The following GCC2 variants were observed in gnomAD, a reference collection of about 807,000 sequenced individuals.
The protein encoded by GCC2 is GRIP and coiled-coil domain containing 2, also known as GRIP and coiled-coil domain-containing protein 2.
In GCC2, 120 loss-of-function variants were observed where a neutral mutation model predicts 210.6. That is an observed-to-expected ratio of 0.57 (90% CI 0.49 to 0.66). The LOEUF is 0.66. GCC2 is among the 30% of genes least tolerant of loss of function. The pLI is 0.00. For missense variants in GCC2, 1,868 were observed against 1,871.9 expected, an observed-to-expected ratio of 1.00 and a Z score of 0.04; for synonymous variants, 703 against 652.7, an observed-to-expected ratio of 1.08 and a Z score of -1.17.
chr2:108,492,834 G>A lies in GCC2; in HGVS notation c.4447+44G>A, dbSNP rs111966542. On this transcript the variant is annotated intron_variant, in intron 19 of 22. Transcript: ENST00000309863. ...AAATATTAGTTGTTCATGTTTTCAT[G>A]CATTTGTCTCTTAAATACATTCTTC... The A allele has an allele frequency of 1.0e-3, 1,377 of 1,352,902 alleles. 12 individuals are homozygous for A. The African/African-American group carries it at 0.017, about 17-fold the overall frequency. The allele number at this position is 1,352,902 out of a possible 1,614,324, so 83.8% of individuals were successfully genotyped here.
intron 13 of GCC2, 26 bp from the exon 14 acceptor site, chr2:108,485,610 T>C (rs1465724889): frequency 1.7e-6 from 2 of 1,186,862 alleles, no homozygotes; most frequent in Non-Finnish European, 2.4e-6. Flanking sequence ...TACATCTTTT[T>C]CTGCTGAAAT....
intron 18 of GCC2, among the ~76,000 whole-genome samples, chr2:108,492,295 A>G (rs1041518512): frequency 6.6e-6 from 1 of 152,134 alleles, no homozygotes; most frequent in Non-Finnish European, 1.5e-5. Context: ...CTGATGAACC[A>G]TGAAAGAAGT....
chr2:108,482,476 T>C lies in GCC2; in HGVS notation c.3345+25T>C, dbSNP rs762052369. The C allele has an allele frequency of 4.2e-6, 5 of 1,183,900 alleles. No individual in the cohort carries two copies. The African/African-American group carries it at 7.6e-5, about 18-fold the overall frequency. 73.3% of individuals were successfully genotyped at this position (1,183,900 alleles called of 1,614,324 possible). A position where few individuals can be genotyped will look rare whatever the true frequency, so the allele number is the denominator to read the frequency against. On this transcript the variant is annotated intron_variant, in intron 11 of 22. Transcript: ENST00000309863. ...GGTAAAAACAATCCTATGAGATTGA[T>C]TCACATATATATGATGCATTTACCA... is the stretch of plus-strand genomic sequence containing the variant.
In GCC2 at chr2:108,487,591, T is replaced by A. The variant is rs1573217435; in HGVS notation, c.3931-108T>A. ...AGAAACCAAAAAGAATGTCAGCCAT[T>A]TTTCTCATTTTCAAAAACAGGTTTT... On this transcript the variant is annotated intron_variant, in intron 16 of 22. Transcript: ENST00000309863. 10 of 1,000,096 alleles carry A rather than the reference T, an allele frequency of 1.0e-5. No homozygotes were observed. In the South Asian group the frequency reaches 1.6e-4, roughly 16 times the overall value. 62.0% of individuals were successfully genotyped at this position (1,000,096 alleles called of 1,614,324 possible).
intron 15 of GCC2, chr2:108,486,285 T>A: frequency 1.8e-6 from 1 of 543,192 alleles, no homozygotes. Context: ...AAATATGTAG[T>A]CTGGGATTTT....
intron 4 of GCC2, among the ~76,000 whole-genome samples, chr2:108,457,287 C>G (rs544534346): frequency 2.6e-5 from 4 of 152,022 alleles, no homozygotes; most frequent in East Asian, 1.9e-4. Context: ...TGTCGAAGAT[C>G]GGTTGTGTAT....
rs751350275 is a variant in GCC2, at chr2:108,507,673, T to G, written c.*43T>G. The G allele has an allele frequency of 2.9e-6, 4 of 1,366,932 alleles. No homozygotes were observed. The African/African-American group carries it at 5.8e-5, about 20-fold the overall frequency. The allele number at this position is 1,366,932 out of a possible 1,614,324, so 84.7% of individuals were successfully genotyped here. A position where few individuals can be genotyped will look rare whatever the true frequency, so the allele number is the denominator to read the frequency against. ...TTTTATTAACCAAATAGAATCTATT[T>G]ACAAAAATGGTTCACGTATATTACC... On this transcript the variant is annotated 3_prime_UTR_variant, in exon 23 of 23. Coordinates refer to ENST00000309863, the MANE Select transcript of GCC2 (RefSeq NM_181453.4).
Position 108,468,857 on chromosome 2 carries a change from G to A in GCC2, c.217-123G>A, listed in dbSNP as rs77278960. 234 of 658,838 alleles carry A rather than the reference G, an allele frequency of 3.6e-4. 2 individuals carry two copies. The African/African-American group carries it at 4.0e-3, about 11-fold the overall frequency. The allele number at this position is 658,838 out of a possible 1,614,324, so 40.8% of individuals were successfully genotyped here. A position where few individuals can be genotyped will look rare whatever the true frequency, so the allele number is the denominator to read the frequency against. ...TTCTCCTTTTCTCTTTGCGCAATGT[G>A]TTCTACCTTTTAAAATCTCTTATTC... On this transcript the variant is annotated intron_variant, in intron 4 of 22. Coordinates refer to ENST00000309863, the MANE Select transcript of GCC2 (RefSeq NM_181453.4).
At chr2:108,449,469 A>G (rs994784764) in intron 1 of GCC2, among the ~76,000 whole-genome samples, 164 bp from the exon 2 acceptor site, 1 of 152,160 alleles carries the variant, frequency 6.6e-6, no homozygotes, top group African/African-American at 2.4e-5. Context: ...CCGTTTGTGT[A>G]CGAATTGCCA....
chr2:108,492,869 T>C (rs1452150536), intron 19 of GCC2, 79 bp downstream of exon 19: 3 of 1,091,834 alleles, frequency 2.7e-6, no homozygotes, highest in African/African-American at 3.1e-5. Context: ...CACAAATTCA[T>C]AAGAAAGAAA....
intron 7 of GCC2, 107 bp from the exon 8 acceptor site, chr2:108,475,428 C>G: frequency 1.9e-6 from 1 of 525,822 alleles, no homozygotes. Flanking sequence ...ATTTTAATAT[C>G]AAATTACCAA....
At chr2:108,466,591 G>A (rs1316346899) in intron 4 of GCC2, among the ~76,000 whole-genome samples, 1 of 151,898 alleles carries the variant, frequency 6.6e-6, no homozygotes, top group African/African-American at 2.4e-5. Context: ...TTCTGCCTCA[G>A]CCTCCCGAGT....
intron 20 of GCC2, 168 bp from the exon 21 acceptor site, chr2:108,496,802 T>C (rs1682665736): frequency 1.1e-6 from 1 of 938,878 alleles, no homozygotes; most frequent in East Asian, 2.7e-5. Flanking sequence ...TTGTGTCACC[T>C]ACAACATATA....
intron 4 of GCC2, among the ~76,000 whole-genome samples, chr2:108,461,022 T>G (rs1680542184): frequency 6.6e-6 from 1 of 152,222 alleles, no homozygotes; most frequent in African/African-American, 2.4e-5. Context: ...CTATGCAGCT[T>G]GAAGAACCAT....
chr2:108,493,858 G>C lies in GCC2; in HGVS notation c.4447+1068G>C, dbSNP rs559493321. On this transcript the variant is annotated intron_variant, in intron 19 of 22. Transcript: ENST00000309863. ...AATCTAGCAATCAGCAGTGGAATAA[G>C]CAGTCAGCTTACCAGAAACCCAGGA... 4.1e-6 allele frequency: 4 copies of C among 985,308 alleles called. No individual in the cohort carries two copies. The Admixed American group carries it at 2.5e-4, about 61-fold the overall frequency. The allele number at this position is 985,308 out of a possible 1,614,324, so 61.0% of individuals were successfully genotyped here.
chr2:108,497,153 T>G, intron 21 of GCC2, 44 bp downstream of exon 21: 1 of 1,611,596 alleles, frequency 6.2e-7, no homozygotes, highest in Non-Finnish European at 8.5e-7. Context: ...GCCAGTTTGG[T>G]TTTCTTGACC....
At chr2:108,501,134 T>G (rs1351475713) in intron 22 of GCC2, among the ~76,000 whole-genome samples, 2 of 151,744 alleles carry the variant, frequency 1.3e-5, no homozygotes, top group African/African-American at 4.9e-5. Context: ...CAGCTGGGAC[T>G]ACAGATGCAC....
chr2:108,455,683 T>G (rs958403938), intron 4 of GCC2, among the ~76,000 whole-genome samples: 1 of 152,338 alleles, frequency 6.6e-6, no homozygotes, highest in South Asian at 2.1e-4. Flanking sequence ...TATTTATCTT[T>G]CCCTGTCTTA....
In GCC2 at chr2:108,497,030, C is replaced by T. The variant is rs369103752; in HGVS notation, c.4703C>T (p.Thr1568Ile). ...KEELVQKLSS[T>I]TKSADHLNGL... ...GAATTGGTTCAGAAGCTCAGTTCCA[C>T]CACAAAAAGTGCAGATCACTTAAAC... Residue 1568 changes from threonine (T) to isoleucine (I), a missense_variant, in exon 21 of 23, where the codon ACC becomes ATC. Thr to Ile is a moderately conservative substitution (Grantham distance 89). Around this residue, in one of 3 missense-constraint regions of GCC2, gnomAD observed 1,847 missense variants for 1,765.2 expected, o/e 1.05. Transcript: ENST00000309863. The T allele has an allele frequency of 6.2e-7, 1 of 1,612,018 alleles. No homozygotes were observed. The highest frequency in any genetic ancestry group is 1.1e-5 in the South Asian group (1 of 90,996).
Sources: allele counts gnomAD v4.1 joint callset (sites outside exome capture counted in the v4.1 genomes callset), GRCh38; gene constraint gnomAD v4.1.1; regional missense constraint gnomAD v4.1.1; transcripts MANE v1.5; gene names NCBI Gene and HGNC (gene_info 2026-07-23, HGNC 2026-07-21).